The following MACROD2 variants were observed in gnomAD, a reference collection of about 807,000 sequenced individuals.
MACROD2 encodes the protein mono-ADP ribosylhydrolase 2.
MACROD2 carries 36 observed loss-of-function variants against 70.4 expected under a neutral mutation model. The observed-to-expected ratio is 0.51, with a 90% CI of 0.39 to 0.68. MACROD2 has a LOEUF of 0.68. Ranked by LOEUF, MACROD2 falls within the 30% of genes least tolerant of loss-of-function variation. The pLI is 0.00. For missense variants in MACROD2, 496 were observed against 538.4 expected (o/e 0.92, Z 0.78); for synonymous variants, 172 against 178.8 (o/e 0.96, Z 0.30).
intron 5 of MACROD2, among the ~76,000 whole-genome samples, chr20:15,222,159 C>T (rs1012354341): frequency 5.3e-5 from 8 of 152,020 alleles, no homozygotes; most frequent in East Asian, 1.9e-4. Context: ...ATAGTCTTTC[C>T]GGACATAGAC....
At chr20:14,849,976 C>T (rs768506549) in intron 5 of MACROD2, 18 of 517,120 alleles carry the variant, frequency 3.5e-5, no homozygotes, top group Non-Finnish European at 5.8e-5. Flanking sequence ...ACTTCAATCA[C>T]TCCACCGAAA....
chr20:14,376,384 A>G (rs2083370820), intron 3 of MACROD2, among the ~76,000 whole-genome samples: 1 of 152,194 alleles, frequency 6.6e-6, no homozygotes, highest in Admixed American at 6.5e-5. Flanking sequence ...TCATGTAGTG[A>G]ACATTAAAAT....
At chr20:15,644,001 A>G (rs1012944397) in intron 8 of MACROD2, among the ~76,000 whole-genome samples, 53 of 152,264 alleles carry the variant, frequency 3.5e-4, no homozygotes, top group African/African-American at 1.3e-3. Context: ...AAGTTCCATG[A>G]TAGTCCTCGC....
At chr20:14,320,047 C>A (rs370830353) in intron 3 of MACROD2, among the ~76,000 whole-genome samples, 15 of 152,152 alleles carry the variant, frequency 9.9e-5, no homozygotes, top group African/African-American at 3.1e-4. Flanking sequence ...TAAACTGGGT[C>A]ACTGTGGAGG....
intron 8 of MACROD2, among the ~76,000 whole-genome samples, chr20:15,700,208 T>C (rs2050437213): frequency 6.6e-6 from 1 of 152,190 alleles, no homozygotes; most frequent in Admixed American, 6.5e-5. Context: ...AAATTCACAA[T>C]GCAAGCCTCT....
chr20:15,971,243 T>C (rs1437996655), intron 13 of MACROD2, among the ~76,000 whole-genome samples: 3 of 152,330 alleles, frequency 2.0e-5, no homozygotes, highest in African/African-American at 7.2e-5. Context: ...GATTCTCTGA[T>C]ATGGTTTGGC....
At chr20:15,000,930 A>C (rs2074990317) in intron 5 of MACROD2, among the ~76,000 whole-genome samples, 3 of 152,034 alleles carry the variant, frequency 2.0e-5, no homozygotes, top group Admixed American at 2.0e-4. Context: ...TTTTGATTGC[A>C]AATCTGTGTA....
intron 8 of MACROD2, among the ~76,000 whole-genome samples, chr20:15,853,276 G>A (rs1199688278): frequency 1.3e-5 from 2 of 152,124 alleles, no homozygotes; most frequent in East Asian, 1.9e-4. Flanking sequence ...CTTTGCTGAG[G>A]ACTTTATGTA....
chr20:15,912,802 G>A (rs1042978484), intron 10 of MACROD2, among the ~76,000 whole-genome samples: 1 of 152,122 alleles, frequency 6.6e-6, no homozygotes, highest in Non-Finnish European at 1.5e-5. Context: ...TGAATGGTAT[G>A]CCCAGAAACT....
chr20:15,140,915 G>T (rs451909), intron 5 of MACROD2, among the ~76,000 whole-genome samples: 5,368 of 152,250 alleles, frequency 0.035, 116 homozygotes, highest in Admixed American at 0.048. Flanking sequence ...TGTAAACCAG[G>T]TTTTAGTCGC....
intron 8 of MACROD2, among the ~76,000 whole-genome samples, chr20:15,701,846 T>A (rs1266329972): frequency 1.3e-5 from 2 of 152,184 alleles, no homozygotes; most frequent in East Asian, 3.8e-4. Context: ...CCCTAGTGTC[T>A]ATTATTCACA....
At chr20:14,029,710 T>A (rs2053223635) in intron 2 of MACROD2, among the ~76,000 whole-genome samples, 1 of 152,254 alleles carries the variant, frequency 6.6e-6, no homozygotes. Flanking sequence ...GTAAAAGCAA[T>A]TTCTTCACTG....
At chr20:14,825,690 C>T (rs1255904311) in intron 5 of MACROD2, among the ~76,000 whole-genome samples, 9 of 152,122 alleles carry the variant, frequency 5.9e-5, no homozygotes, top group Admixed American at 5.9e-4. Flanking sequence ...TCAGGCCAAA[C>T]AGGACTAGCC....
chr20:14,796,406 C>T (rs868569480), intron 5 of MACROD2, among the ~76,000 whole-genome samples: 1 of 151,956 alleles, frequency 6.6e-6, no homozygotes, highest in African/African-American at 2.4e-5. Context: ...TCTGAATAAC[C>T]ATAAGAATGA....
chr20:15,245,275 A>T (rs1601293126), intron 6 of MACROD2, among the ~76,000 whole-genome samples: 1 of 152,212 alleles, frequency 6.6e-6, no homozygotes, highest in Non-Finnish European at 1.5e-5. Flanking sequence ...CAACATAAGG[A>T]TGATGACATA....
At chr20:15,040,307 T>C (rs4813168) in intron 5 of MACROD2, among the ~76,000 whole-genome samples, 25,670 of 140,128 alleles carry the variant, frequency 0.18, 2,825 homozygotes, top group East Asian at 0.33. Flanking sequence ...AGAGCGAGAC[T>C]CCGTCTCAGG....
intron 8 of MACROD2, among the ~76,000 whole-genome samples, chr20:15,840,506 G>A (rs776420347): frequency 3.3e-5 from 5 of 152,012 alleles, no homozygotes; most frequent in African/African-American, 9.7e-5. Flanking sequence ...TTTAGATCTC[G>A]ACTTATATTT....
At chr20:15,722,531 G>C (rs2050801559) in intron 8 of MACROD2, among the ~76,000 whole-genome samples, 1 of 152,110 alleles carries the variant, frequency 6.6e-6, no homozygotes, top group African/African-American at 2.4e-5. Context: ...TTTTTGTGAA[G>C]TATCTCTTCA....
intron 3 of MACROD2, among the ~76,000 whole-genome samples, chr20:14,237,746 A>G (rs958230014): frequency 4.1e-5 from 5 of 121,950 alleles, no homozygotes; most frequent in African/African-American, 1.6e-4. Context: ...TTCTGTGTCC[A>G]TGTGTTCTCA....
Sources: allele counts gnomAD v4.1 joint callset (sites outside exome capture counted in the v4.1 genomes callset), GRCh38; gene constraint gnomAD v4.1.1; transcripts MANE v1.5; gene names NCBI Gene and HGNC (gene_info 2026-07-23, HGNC 2026-07-21).